The following SFMBT1 variants were observed in gnomAD, a reference collection of about 807,000 sequenced individuals.
SFMBT1 encodes the protein scm-like with four MBT domains protein 1.
SFMBT1 carries 32 observed loss-of-function variants against 108.7 expected under a neutral mutation model. That is an observed-to-expected ratio of 0.29 (90% CI 0.22 to 0.40). The LOEUF is 0.40. Ranked by LOEUF, SFMBT1 falls within the 10% of genes least tolerant of loss-of-function variation. The pLI is 1.00. For synonymous variants in SFMBT1, 348 were observed against 369.5 expected, an observed-to-expected ratio of 0.94 and a Z score of 0.67; for missense variants, 816 against 1,059.6, an observed-to-expected ratio of 0.77 and a Z score of 3.19.
intron 1 of SFMBT1, among the ~76,000 whole-genome samples, chr3:52,979,626 C>T (rs560429219): frequency 6.6e-6 from 1 of 152,294 alleles, no homozygotes; most frequent in South Asian, 2.1e-4. Flanking sequence ...ATGGCACTTC[C>T]CACCATTAGT....
intron 1 of SFMBT1, among the ~76,000 whole-genome samples, chr3:53,001,925 TCA>T (rs59572829): frequency 0.093 from 12,003 of 129,050 alleles, 1,186 homozygotes; most frequent in East Asian, 0.13. Context: ...ACCCAGTCTC[TCA>T]CACACACACA....
rs78102636 is a variant in SFMBT1 at position 52,995,576 on chromosome 3, G to C, written c.-130-26318C>G. On this transcript the variant is annotated intron_variant, in intron 1 of 20. Coordinates refer to ENST00000394752, the MANE Select transcript of SFMBT1 (RefSeq NM_016329.4). Reference sequence around the variant, plus strand: ...TTGCTAACTTTGTTTATGTTTTGTAGAGAAGTGGTCGAAGTGGTCTCACTA... The same window carrying C: ...TTGCTAACTTTGTTTATGTTTTGTACAGAAGTGGTCGAAGTGGTCTCACTA... Among the ~76,000 whole-genome samples, 242 of 149,794 alleles carry C rather than the reference G, an allele frequency of 1.6e-3. 14 individuals are homozygous for C. The highest frequency in any genetic ancestry group is 1.9e-3 in the Non-Finnish European group (124 of 66,824).
chr3:53,014,953 C>T (rs1380254422), intron 1 of SFMBT1, among the ~76,000 whole-genome samples: 2 of 152,214 alleles, frequency 1.3e-5, no homozygotes. Context: ...GGAGCAGTGG[C>T]TCATGCCTGT....
At chr3:52,929,332 C>T (rs533015690) in intron 8 of SFMBT1, among the ~76,000 whole-genome samples, 49 of 152,180 alleles carry the variant, frequency 3.2e-4, no homozygotes, top group Middle Eastern at 3.4e-3. Flanking sequence ...CTCCGCCTCC[C>T]GGGTTCAAGC....
chr3:52,918,468 T>G lies in SFMBT1; in HGVS notation c.1415+16A>C, dbSNP rs1702422997. 6.4e-7 allele frequency: 1 copy of G among 1,560,114 alleles called. No homozygotes were observed. Among genetic ancestry groups the G allele is most frequent in the African/African-American group, 1.4e-5 (1 of 72,204 alleles). On this transcript the variant is annotated intron_variant, in intron 13 of 20. Transcript: ENST00000394752. ...TATTCTAACTTGTAAACTGTTCATA[T>G]TATTACGTTACTTACTGTTTTTCTG...
intron 8 of SFMBT1, 151 bp from the exon 9 acceptor site, chr3:52,928,492 T>C (rs540612581): frequency 1.4e-6 from 1 of 731,938 alleles, no homozygotes; most frequent in South Asian, 2.0e-5. Context: ...ATGTAATACA[T>C]ATAATTACTG....
chr3:53,045,253 G>C (rs1244702172), intron 1 of SFMBT1: 2 of 148,640 alleles, frequency 1.3e-5, no homozygotes, highest in Non-Finnish European at 3.0e-5. Context: ...ACCGCGCAGC[G>C]ACCGCCCGGG....
chr3:52,962,456 TAAGA>T (rs1703992481), intron 2 of SFMBT1, among the ~76,000 whole-genome samples: 1 of 152,192 alleles, frequency 6.6e-6, no homozygotes, highest in African/African-American at 2.4e-5. Flanking sequence ...AATATACTGT[TAAGA>T]GTAACCACAC....
At chr3:53,036,433 T>C (rs1182913972) in intron 1 of SFMBT1, among the ~76,000 whole-genome samples, 1 of 152,236 alleles carries the variant, frequency 6.6e-6, no homozygotes, top group Admixed American at 6.5e-5. Flanking sequence ...AATTGAAGAA[T>C]AAGACCTCAA....
intron 1 of SFMBT1, among the ~76,000 whole-genome samples, chr3:53,020,008 C>G (rs1017974829): frequency 6.6e-6 from 1 of 152,126 alleles, no homozygotes; most frequent in African/African-American, 2.4e-5. Flanking sequence ...CTCACCCAGC[C>G]TTCTCTACAC....
chr3:53,014,682 C>T (rs563082389), intron 1 of SFMBT1, among the ~76,000 whole-genome samples: 70 of 152,208 alleles, frequency 4.6e-4, no homozygotes, highest in Middle Eastern at 6.8e-3. Context: ...TCTTTATTTT[C>T]GCAACACAAA....
At chr3:52,960,998 G>A (rs1444586383) in intron 2 of SFMBT1, among the ~76,000 whole-genome samples, 3 of 152,186 alleles carry the variant, frequency 2.0e-5, no homozygotes, top group Admixed American at 6.5e-5. Flanking sequence ...AGTAAGCTGA[G>A]CATGGTGGTG....
intron 1 of SFMBT1, among the ~76,000 whole-genome samples, chr3:53,041,046 C>T (rs939458360): frequency 1.6e-5 from 2 of 125,318 alleles, no homozygotes; most frequent in Admixed American, 1.0e-4. Flanking sequence ...TGGTATCAAA[C>T]TCCTGGACTC....
intron 16 of SFMBT1, 112 bp from the exon 17 acceptor site, chr3:52,911,290 G>T: frequency 9.6e-7 from 1 of 1,046,040 alleles, no homozygotes; most frequent in Non-Finnish European, 1.3e-6. Context: ...AATATTCTAT[G>T]TCCTTTATAG....
intron 1 of SFMBT1, among the ~76,000 whole-genome samples, chr3:52,981,356 G>C (rs1443700629): frequency 6.6e-6 from 1 of 150,972 alleles, no homozygotes; most frequent in Admixed American, 6.6e-5. Flanking sequence ...ATTTCCACCT[G>C]AATAGGTTTC....
At chr3:52,974,567 T>C (rs573828996) in intron 1 of SFMBT1, among the ~76,000 whole-genome samples, 1 of 152,324 alleles carries the variant, frequency 6.6e-6, no homozygotes, top group South Asian at 2.1e-4. Flanking sequence ...ATTAAGTTGT[T>C]TGTTATGTCA....
At chr3:52,954,113 A>G (rs1425761011) in intron 3 of SFMBT1, among the ~76,000 whole-genome samples, 3 of 152,140 alleles carry the variant, frequency 2.0e-5, no homozygotes, top group African/African-American at 7.2e-5. Flanking sequence ...CGACAAAGCG[A>G]GACTCCATCT....
At chr3:52,978,674 G>T (rs1306081413) in intron 1 of SFMBT1, among the ~76,000 whole-genome samples, 2 of 152,142 alleles carry the variant, frequency 1.3e-5, no homozygotes, top group Admixed American at 6.5e-5. Context: ...AATGTTCGTA[G>T]TATTATTTAT....
chr3:52,927,718 C>T (rs546043038), intron 9 of SFMBT1, among the ~76,000 whole-genome samples: 1 of 152,312 alleles, frequency 6.6e-6, no homozygotes, highest in Non-Finnish European at 1.5e-5. Flanking sequence ...CTACTCTTCA[C>T]CATAAACTTC....
Sources: gnomAD v4.1 joint callset for allele counts (sites outside exome capture counted in the v4.1 genomes callset) on GRCh38, gnomAD v4.1.1 for gene constraint, MANE v1.5 for transcripts, NCBI Gene and HGNC (gene_info 2026-07-23, HGNC 2026-07-21) for gene names.